ALG13: variants seen among roughly 807,000 people sequenced by gnomAD.
The protein encoded by ALG13 is UDP-N-acetylglucosamine transferase subunit ALG13.
In ALG13, 11 loss-of-function variants were observed where a neutral mutation model predicts 87.8. The ratio of observed to expected loss-of-function variants is 0.13; its 90% CI spans 0.08 to 0.21. The LOEUF is 0.21. Ranked by LOEUF, ALG13 falls within the 10% of genes least tolerant of loss-of-function variation. The probability of loss-of-function intolerance (pLI) is 1.00; values close to 1 mark genes in which losing one functional copy is unlikely to be tolerated. For synonymous variants in ALG13, 320 were observed against 306.3 expected (o/e 1.04, Z -0.47); for missense variants, 756 against 866.1 (o/e 0.87, Z 1.60).
At chrX:111,682,445 C>T in intron 2 of ALG13, 151 bp downstream of exon 2, 4 of 372,867 alleles carry the variant, frequency 1.1e-5, no homozygotes, top group Non-Finnish European at 1.7e-5. Flanking sequence ...GCCCAGCATC[C>T]ATTAGCTTTT....
At chrX:111,725,820 G>A (rs995739096) in intron 15 of ALG13, among the ~76,000 whole-genome samples, 6 of 112,189 alleles carry the variant, frequency 5.3e-5, no homozygotes, top group Non-Finnish European at 9.4e-5. Context: ...GAGACCTGAG[G>A]GGGAAAAATA....
chrX:111,706,049 A>G (rs1938686250), intron 3 of ALG13, among the ~76,000 whole-genome samples: 2 of 111,131 alleles, frequency 1.8e-5, no homozygotes, highest in Admixed American at 1.9e-4. Flanking sequence ...TAACTTTTAA[A>G]TTATAATCCC....
chrX:111,722,115 T>G (rs190051284), intron 12 of ALG13, among the ~76,000 whole-genome samples: 1 of 112,199 alleles, frequency 8.9e-6, no homozygotes, highest in East Asian at 2.8e-4. Flanking sequence ...TCTTTAATTC[T>G]TAAATGGCAG....
intron 13 of ALG13, 71 bp downstream of exon 13, chrX:111,722,928 G>C (rs772958385): frequency 1.3e-6 from 1 of 751,035 alleles, no homozygotes; most frequent in East Asian, 3.4e-5. Flanking sequence ...AGTTGAACAA[G>C]ACTTATTTAC....
At chrX:111,719,789 G>A (rs774836491) in intron 10 of ALG13, among the ~76,000 whole-genome samples, 38 of 111,977 alleles carry the variant, frequency 3.4e-4, no homozygotes, top group African/African-American at 1.1e-3. Context: ...GAATATGGCT[G>A]TTTGCTTCCT....
chrX:111,681,536 C>T (rs988418734), intron 1 of ALG13: 8 of 979,850 alleles, frequency 8.2e-6, no homozygotes, highest in Admixed American at 4.2e-5. Flanking sequence ...CCGCTCCTCT[C>T]CCTCATTTCT....
At chrX:111,727,517 A>AGT in intron 17 of ALG13, 72 bp downstream of exon 17, 1 of 1,098,027 alleles carries the variant, frequency 9.1e-7, no homozygotes, top group Non-Finnish European at 1.2e-6. Context: ...TGTTTTAAAA[A>AGT]GTGTCAACTT....
At position 111,684,676 on chromosome X, in the gene ALG13, G is replaced by A. The variant is rs979277538; in HGVS notation, c.245-289G>A. Among the ~76,000 whole-genome samples the A allele has an allele frequency of 4.5e-5, 5 of 111,896 alleles. No homozygotes were observed. In the East Asian group the frequency reaches 1.1e-3, roughly 25 times the overall value. ...CCCCGTCACAAGGCTATACCCCATCGTAAGTTGAGGGTCATTGGTACTAGA... is the reference window on the plus strand; with the variant it reads ...CCCCGTCACAAGGCTATACCCCATCATAAGTTGAGGGTCATTGGTACTAGA... On this transcript the variant is annotated intron_variant, in intron 2 of 26. Transcript: ENST00000394780.
intron 1 of ALG13, chrX:111,681,674 C>G (rs866175627): frequency 4.3e-5 from 37 of 863,713 alleles, no homozygotes; most frequent in Admixed American, 6.6e-5. Context: ...CCTCAGGCCC[C>G]CCTGTGGACC....
At chrX:111,709,240 C>G (rs757014443) in intron 5 of ALG13, among the ~76,000 whole-genome samples, 192 bp downstream of exon 5, 1 of 111,986 alleles carries the variant, frequency 8.9e-6, no homozygotes, top group South Asian at 3.8e-4. Flanking sequence ...GTTTAGGACT[C>G]TAATTAAAAA....
chrX:111,754,168 A>G (rs1945016557), intron 25 of ALG13, among the ~76,000 whole-genome samples: 1 of 111,846 alleles, frequency 8.9e-6, no homozygotes, highest in Admixed American at 9.5e-5. Context: ...ACCAATGACA[A>G]AAACCACATG....
intron 3 of ALG13, among the ~76,000 whole-genome samples, chrX:111,694,677 G>A (rs1385506657): frequency 8.9e-6 from 1 of 112,046 alleles, no homozygotes; most frequent in Admixed American, 9.5e-5. Flanking sequence ...TCTATGAGAC[G>A]CATATAGTAC....
intron 24 of ALG13, among the ~76,000 whole-genome samples, chrX:111,749,398 T>C (rs1296927939): frequency 1.8e-5 from 2 of 110,864 alleles, no homozygotes; most frequent in East Asian, 5.6e-4. Flanking sequence ...TTTTGTTGCA[T>C]TGATCAATTT....
chrX:111,739,454 G>A (rs1048809508), intron 23 of ALG13, among the ~76,000 whole-genome samples: 1 of 112,166 alleles, frequency 8.9e-6, no homozygotes, highest in Non-Finnish European at 1.9e-5. Flanking sequence ...CTGAATACCT[G>A]AGAATATTGA....
At chrX:111,688,319 GTAGT>G (rs1426151936) in intron 3 of ALG13, 14 of 724,630 alleles carry the variant, frequency 1.9e-5, no homozygotes, top group African/African-American at 4.7e-5. Context: ...GATTATAAAT[GTAGT>G]TAGTTTGATA....
chrX:111,740,742 A>G (rs1017142629), intron 23 of ALG13, among the ~76,000 whole-genome samples: 1 of 111,881 alleles, frequency 8.9e-6, no homozygotes, highest in African/African-American at 3.2e-5. Flanking sequence ...AACAAAGATC[A>G]TTGCAATAGA....
intron 18 of ALG13, 116 bp downstream of exon 18, chrX:111,727,886 T>C (rs1191574868): frequency 3.6e-6 from 3 of 840,004 alleles, no homozygotes; most frequent in Non-Finnish European, 3.3e-6. Flanking sequence ...CAAAGCCTTT[T>C]CTGGAAAATG....
intron 25 of ALG13, among the ~76,000 whole-genome samples, chrX:111,756,637 A>G (rs770355471): frequency 3.6e-5 from 4 of 111,609 alleles, no homozygotes; most frequent in Non-Finnish European, 5.6e-5. Flanking sequence ...ACAAGATGGC[A>G]TATTTACTGA....
chrX:111,754,961 A>C (rs932166951), intron 25 of ALG13, among the ~76,000 whole-genome samples: 7 of 112,103 alleles, frequency 6.2e-5, no homozygotes, highest in African/African-American at 2.3e-4. Context: ...CCATATAGCC[A>C]AGACAATCCC....
Sources: gnomAD v4.1 joint callset for allele counts (sites outside exome capture counted in the v4.1 genomes callset) on GRCh38, gnomAD v4.1.1 for gene constraint, MANE v1.5 for transcripts, NCBI Gene and HGNC (gene_info 2026-07-23, HGNC 2026-07-21) for gene names.